The following PKD1L3 variants were observed in gnomAD, a reference collection of about 807,000 sequenced individuals.
The protein encoded by PKD1L3 is polycystin 1 like 3, transient receptor potential channel interacting, also known as polycystin-1-like protein 3.
Under a neutral mutation model 184.1 loss-of-function variants are expected in PKD1L3, and 239 were observed. The ratio of observed to expected loss-of-function variants is 1.30; its 90% CI spans 1.17 to 1.45. The LOEUF (loss-of-function observed/expected upper bound fraction) is 1.45. Ranked by LOEUF, PKD1L3 falls within the 40% of genes most tolerant of loss-of-function variation. The pLI, the probability that PKD1L3 is intolerant of heterozygous loss-of-function variation, is 0.00. For synonymous variants in PKD1L3, 996 were observed against 778.8 expected (o/e 1.28, Z -4.64); for missense variants, 2,660 against 2,067.2 (o/e 1.29, Z -5.56).
intron 4 of PKD1L3, among the ~76,000 whole-genome samples, chr16:71,986,698 T>G (rs1261553486): frequency 6.6e-6 from 1 of 152,186 alleles, no homozygotes; most frequent in African/African-American, 2.4e-5. Context: ...GTTCAATAAA[T>G]TCTTAAACAT....
chr16:71,951,930 T>C (rs2038850270), intron 18 of PKD1L3, among the ~76,000 whole-genome samples, 186 bp from the exon 19 acceptor site: 1 of 152,150 alleles, frequency 6.6e-6, no homozygotes, highest in African/African-American at 2.4e-5. Context: ...GTAGCTGCAA[T>C]ACCAGTTTTA....
At chr16:71,932,142 T>C (rs762683484) in intron 28 of PKD1L3, among the ~76,000 whole-genome samples, 1 of 152,256 alleles carries the variant, frequency 6.6e-6, no homozygotes, top group Non-Finnish European at 1.5e-5. Context: ...ACCCTGCAGA[T>C]ACAACATTAG....
At chr16:71,985,660 C>T (rs921503575) in intron 5 of PKD1L3, among the ~76,000 whole-genome samples, 16 of 152,146 alleles carry the variant, frequency 1.1e-4, no homozygotes, top group South Asian at 6.2e-4. Context: ...GTCTCAAACT[C>T]GGGCTTACGT....
intron 16 of PKD1L3, among the ~76,000 whole-genome samples, chr16:71,957,188 G>C (rs1175966757): frequency 2.0e-5 from 3 of 152,094 alleles, no homozygotes; most frequent in Non-Finnish European, 4.4e-5. Context: ...ATTTAACACA[G>C]AGAAGGCAGT....
chr16:71,979,688 T>C (rs2040073120), intron 9 of PKD1L3, 98 bp downstream of exon 9: 1 of 1,362,328 alleles, frequency 7.3e-7, no homozygotes, highest in Middle Eastern at 1.9e-4. Flanking sequence ...TGATCTGGTC[T>C]GTTCAGTTTA....
chr16:71,970,155 G>C, intron 12 of PKD1L3, 50 bp from the exon 13 acceptor site: 5 of 1,422,486 alleles, frequency 3.5e-6, no homozygotes, highest in South Asian at 1.3e-5. Flanking sequence ...GTGCTAAGGA[G>C]GGGACAGACA....
intron 15 of PKD1L3, among the ~76,000 whole-genome samples, chr16:71,966,462 C>T (rs1567522670): frequency 6.8e-6 from 1 of 147,320 alleles, no homozygotes; most frequent in Non-Finnish European, 1.5e-5. Context: ...CAGGGTCTTG[C>T]TGTTGCCCAG....
At chr16:71,969,532 G>A (rs1485745869) in intron 13 of PKD1L3, among the ~76,000 whole-genome samples, 1 of 137,666 alleles carries the variant, frequency 7.3e-6, no homozygotes, top group African/African-American at 2.8e-5. Flanking sequence ...GGCTGGCCTT[G>A]AACTCTTGAG....
intron 22 of PKD1L3, among the ~76,000 whole-genome samples, chr16:71,944,520 A>C (rs2038485111): frequency 6.6e-6 from 1 of 151,956 alleles, no homozygotes; most frequent in African/African-American, 2.4e-5. Flanking sequence ...TTGTCTCTAC[A>C]AAAAAATAAA....
At chr16:71,976,110 G>C (rs1597350536) in intron 11 of PKD1L3, among the ~76,000 whole-genome samples, 1 of 151,350 alleles carries the variant, frequency 6.6e-6, no homozygotes, top group Non-Finnish European at 1.5e-5. Context: ...ACCATGACCA[G>C]CTAATTTTTA....
chr16:71,973,392 T>G lies in PKD1L3; in HGVS notation c.1885A>C (p.Ile629Leu), dbSNP rs537373142. Residue 629 changes from isoleucine (I) to leucine (L), a missense_variant, in exon 12 of 30, where the codon ATC (isoleucine) becomes CTC (leucine). Ile to Leu is a conservative substitution (Grantham distance 5). Transcript: ENST00000620267. ...TAGTAACACTGAGTGACGGCGGTGATGACCGAGACCAAGCTGGGTGTCTGC... is the reference window on the plus strand; with the variant it reads ...TAGTAACACTGAGTGACGGCGGTGAGGACCGAGACCAAGCTGGGTGTCTGC... ...AQQTPSLVSV[I>L]TAVTQCYYWE... 1.9e-6 allele frequency: 3 copies of G among 1,551,722 alleles called. No individual in the cohort carries two copies. Among genetic ancestry groups the G allele is most frequent in the East Asian group, 2.4e-5 (1 of 40,910 alleles).
Position 71,929,640 on chromosome 16 carries a change from G to A in PKD1L3, c.5097C>T (p.Leu1699=). 1.9e-6 allele frequency: 3 copies of A among 1,551,836 alleles called. No homozygotes were observed. Among genetic ancestry groups the A allele is most frequent in the Non-Finnish European group, 2.6e-6 (3 of 1,146,892 alleles). The change falls in exon 30 of 30, where the codon CTC becomes CTT. Residue 1699 remains leucine (L), a synonymous_variant. Transcript: ENST00000620267. ...AALIDTLLQK[L]SNLLGISWPQ... is the part of the protein sequence containing the mutation. ...GCCAACTGATTCCTAACAAATTTGA[G>A]AGCTTCTGTAGCAGTGTATCTATTA...
Position 71,951,702 on chromosome 16 carries a change from A to G in PKD1L3, c.3052T>C (p.Tyr1018His), listed in dbSNP as rs1436271362. 1.3e-6 allele frequency: 2 copies of G among 1,551,634 alleles called. No homozygotes were observed. The highest frequency in any genetic ancestry group is 2.4e-5 in the East Asian group (1 of 40,928). ...TVRFLLRRNT[Y>H]LLSKCEQPPW... ...GGCTGCTCACACTTGGAGAGTAGGT[A>G]TGTATTTCTCCTGAGCAGGAATCTC... Residue 1018 changes from tyrosine to histidine, a missense_variant, in exon 19 of 30, where the codon TAC becomes CAC. Tyr to His is a moderately conservative substitution (Grantham distance 83). Coordinates refer to ENST00000620267, the MANE Select transcript of PKD1L3 (RefSeq NM_181536.2).
intron 11 of PKD1L3, among the ~76,000 whole-genome samples, chr16:71,975,576 G>A (rs1200679906): frequency 6.6e-6 from 1 of 152,126 alleles, no homozygotes; most frequent in Admixed American, 6.6e-5. Flanking sequence ...GGTGCTGTGA[G>A]CCTTACTTCT....
At chr16:71,981,024 C>T (rs927939808) in intron 7 of PKD1L3, among the ~76,000 whole-genome samples, 2 of 152,170 alleles carry the variant, frequency 1.3e-5, no homozygotes, top group Non-Finnish European at 2.9e-5. Flanking sequence ...ATAATGTTTT[C>T]AAAGCTCATG....
At chr16:71,933,375 G>A in intron 28 of PKD1L3, 45 bp downstream of exon 28, 4 of 1,419,062 alleles carry the variant, frequency 2.8e-6, no homozygotes, top group Non-Finnish European at 3.9e-6. Flanking sequence ...AATTTTCCTT[G>A]TTCAATATAT....
At position 71,982,164 on chromosome 16, in the gene PKD1L3, A is replaced by C; in HGVS notation, c.1038T>G (p.Ser346Arg). ...LLRIPFQNNNSLGFKVPPTVC... is the reference protein window; with the variant it reads ...LLRIPFQNNNRLGFKVPPTVC... The stretch of plus-strand genomic sequence containing the variant: ...CAGTTGGAGGAACTTTGAAGCCCAG[A>C]CTGTTGTTGTTCTGAAATGGGATCC... The change falls in exon 7 of 30, where the codon AGT becomes AGG. Residue 346 changes from serine to arginine, a missense_variant. Transcript: ENST00000620267. 6.4e-7 allele frequency: 1 copy of C among 1,551,174 alleles called. No homozygotes were observed. Among genetic ancestry groups the C allele is most frequent in the Non-Finnish European group, 8.7e-7 (1 of 1,146,710 alleles).
intron 11 of PKD1L3, among the ~76,000 whole-genome samples, chr16:71,974,003 A>C (rs2039822983): frequency 1.2e-4 from 1 of 8,426 alleles, no homozygotes; most frequent in African/African-American, 5.5e-4. Flanking sequence ...TTTTGTCTCA[A>C]AAAAAAAAAA....
At chr16:71,938,894 A>G (rs1459870316) in intron 24 of PKD1L3, among the ~76,000 whole-genome samples, 1 of 152,168 alleles carries the variant, frequency 6.6e-6, no homozygotes, top group Non-Finnish European at 1.5e-5. Context: ...AGAACTCGGG[A>G]CCCGCTGAGT....
Sources: allele counts gnomAD v4.1 joint callset (sites outside exome capture counted in the v4.1 genomes callset), GRCh38; gene constraint gnomAD v4.1.1; transcripts MANE v1.5; gene names NCBI Gene and HGNC (gene_info 2026-07-23, HGNC 2026-07-21).